The following PDE8B variants were observed in gnomAD, a reference collection of about 807,000 sequenced individuals.
PDE8B encodes high affinity cAMP-specific and IBMX-insensitive 3',5'-cyclic phosphodiesterase 8B.
Under a neutral mutation model 101.3 loss-of-function variants are expected in PDE8B, and 26 were observed. That is an observed-to-expected ratio of 0.26 (90% CI 0.19 to 0.36). PDE8B has a LOEUF of 0.36. Ranked by LOEUF, PDE8B falls within the 10% of genes least tolerant of loss-of-function variation. PDE8B has a pLI of 1.00. For synonymous variants in PDE8B, 424 were observed against 429.3 expected (o/e 0.99, Z 0.15); for missense variants, 810 against 1,163.1 (o/e 0.70, Z 4.42).
At chr5:77,322,938 A>G (rs1775363483) in intron 2 of PDE8B, among the ~76,000 whole-genome samples, 1 of 152,260 alleles carries the variant, frequency 6.6e-6, no homozygotes, top group African/African-American at 2.4e-5. Context: ...GAGAATTGTT[A>G]TATTCTTACT....
chr5:77,407,069 G>A (rs549363659), intron 12 of PDE8B, among the ~76,000 whole-genome samples: 40 of 152,272 alleles, frequency 2.6e-4, no homozygotes, highest in South Asian at 8.3e-4. Context: ...AAAGTGAGCC[G>A]TGTGGGGGTC....
chr5:77,273,762 A>G (rs2084798861), intron 1 of PDE8B, among the ~76,000 whole-genome samples: 3 of 152,194 alleles, frequency 2.0e-5, no homozygotes. Context: ...TTTTATTAAC[A>G]CAATGGTGAA....
the PDE8B span, among the ~76,000 whole-genome samples, chr5:77,175,301 TA>T: frequency 1.4e-5 from 2 of 143,972 alleles, no homozygotes; most frequent in African/African-American, 5.6e-5. Flanking sequence ...AAGCAAATTA[TA>T]TTGTGTTTCT....
intron 10 of PDE8B, among the ~76,000 whole-genome samples, chr5:77,366,895 C>T (rs1002130965): frequency 1.3e-5 from 2 of 152,164 alleles, no homozygotes; most frequent in East Asian, 1.9e-4. Context: ...CCATCAAGGG[C>T]GCTTTGGTCC....
intron 1 of PDE8B, among the ~76,000 whole-genome samples, chr5:77,302,724 C>T (rs1770253367): frequency 6.6e-6 from 1 of 152,166 alleles, no homozygotes; most frequent in Non-Finnish European, 1.5e-5. Flanking sequence ...CATGGCCTTC[C>T]CAGTGAGGCA....
chr5:77,211,338 C>T lies in PDE8B; in HGVS notation c.339+74C>T. 7.1e-7 allele frequency: 1 copy of T among 1,408,224 alleles called. No individual in the cohort carries two copies. Among genetic ancestry groups the T allele is most frequent in the Non-Finnish European group, 9.5e-7 (1 of 1,052,126 alleles). The allele number at this position is 1,408,224 out of a possible 1,614,324, so 87.2% of individuals were successfully genotyped here. A position where few individuals can be genotyped will look rare whatever the true frequency, so the allele number is the denominator to read the frequency against. ...GCGGGGCTCGCACGGGTAGGGGGCT[C>T]CGGCGGAGTTGGGTGACCGTGAGGC... is the stretch of plus-strand genomic sequence containing the variant. On this transcript the variant is annotated intron_variant, in intron 1 of 21. Transcript: ENST00000264917. The surrounding 1 kb of genome is among the most constrained non-coding windows in gnomAD (Gnocchi z 4.1).
chr5:77,225,848 G>GCA (rs3087185), intron 1 of PDE8B, among the ~76,000 whole-genome samples: 27,080 of 144,148 alleles, frequency 0.19, 2,712 homozygotes, highest in Non-Finnish European at 0.24. Flanking sequence ...ACATGCGCGT[G>GCA]CACACACACA....
rs1422422117 is a variant in PDE8B, at chr5:77,369,930, C to G, written c.1167+16524C>G. 2.0e-5 allele frequency among the ~76,000 whole-genome samples: 3 copies of G among 152,182 alleles called. No homozygotes were observed. In the East Asian group the frequency reaches 5.8e-4, roughly 29 times the overall value. ...GCATTTTATTGTGAAAATTGTCAGGCATACAGCAAAGTTGAAAGAATTTTA... is the reference window on the plus strand; with the variant it reads ...GCATTTTATTGTGAAAATTGTCAGGGATACAGCAAAGTTGAAAGAATTTTA... On this transcript the variant is annotated intron_variant, in intron 10 of 21. Coordinates refer to ENST00000264917, the MANE Select transcript of PDE8B (RefSeq NM_003719.5).
chr5:77,356,045 C>G (rs963608228), intron 10 of PDE8B, among the ~76,000 whole-genome samples: 3 of 152,224 alleles, frequency 2.0e-5, no homozygotes, highest in Admixed American at 6.5e-5. Flanking sequence ...ACCCTCTGGT[C>G]CTGCACAGAA....
At position 77,304,484 on chromosome 5, in the gene PDE8B, T is replaced by G. The variant is rs533820663; in HGVS notation, c.340-7510T>G. Among the ~76,000 whole-genome samples the G allele has an allele frequency of 4.0e-4, 61 of 151,802 alleles. No homozygotes were observed. In the East Asian group the frequency reaches 4.2e-3, roughly 11 times the overall value. On this transcript the variant is annotated intron_variant, in intron 1 of 21. Coordinates refer to ENST00000264917, the MANE Select transcript of PDE8B (RefSeq NM_003719.5). The stretch of plus-strand genomic sequence containing the variant: ...CTCTCCAGCTCTGGGCCTTTTTCTC[T>G]TTTATTACAGTGCTCTTTGCTTTTT...
chr5:77,225,880 A>ACACACACACACC (rs1554059621), intron 1 of PDE8B, among the ~76,000 whole-genome samples: 1 of 100,718 alleles, frequency 9.9e-6, no homozygotes, highest in African/African-American at 4.5e-5. Context: ...ACACACACAC[A>ACACACACACACC]CCCCACGCAC....
the PDE8B span, among the ~76,000 whole-genome samples, chr5:77,181,327 A>G: frequency 6.6e-6 from 1 of 152,092 alleles, no homozygotes. Flanking sequence ...GCTTAGTGCA[A>G]GGGGGAAGCT....
At chr5:77,324,718 C>G (rs1775736443) in intron 2 of PDE8B, among the ~76,000 whole-genome samples, 1 of 152,136 alleles carries the variant, frequency 6.6e-6, no homozygotes, top group Admixed American at 6.5e-5. Flanking sequence ...TCCCTTACTT[C>G]CTTATGTCTA....
chr5:77,403,946 G>A (rs757051570), intron 11 of PDE8B, among the ~76,000 whole-genome samples: 69 of 151,984 alleles, frequency 4.5e-4, no homozygotes, highest in Middle Eastern at 3.4e-3. Flanking sequence ...AGCCTCCCAA[G>A]TAGCTGGAAT....
chr5:77,152,838 T>A, the PDE8B span, among the ~76,000 whole-genome samples: 1 of 152,042 alleles, frequency 6.6e-6, no homozygotes, highest in Non-Finnish European at 1.5e-5. Flanking sequence ...GTCTTAGCAT[T>A]GAGGATGGGA....
At chr5:77,089,165 T>C in the PDE8B span, among the ~76,000 whole-genome samples, 130 of 152,226 alleles carry the variant, frequency 8.5e-4, no homozygotes, top group Admixed American at 2.4e-3. Flanking sequence ...TCATCTGTAT[T>C]TACATCCGCT....
At chr5:77,111,685 T>A in the PDE8B span, among the ~76,000 whole-genome samples, 5 of 152,198 alleles carry the variant, frequency 3.3e-5, no homozygotes, top group African/African-American at 1.2e-4. Flanking sequence ...CTGATACCTG[T>A]TTTTAGATGA....
rs149407385 is a variant in PDE8B, at chr5:77,307,446, A to G, written c.340-4548A>G. 1.2e-3 allele frequency among the ~76,000 whole-genome samples: 190 copies of G among 152,336 alleles called. 1 individual carries two copies. The highest frequency in any genetic ancestry group is 4.3e-3 in the African/African-American group (177 of 41,562). ...AAGCAAAAGTGAGTGATAGACGTTTACAGATCAACAAAGACTGAGTGACTT... is the reference window on the plus strand; with the variant it reads ...AAGCAAAAGTGAGTGATAGACGTTTGCAGATCAACAAAGACTGAGTGACTT... On this transcript the variant is annotated intron_variant, in intron 1 of 21. Coordinates refer to ENST00000264917, the MANE Select transcript of PDE8B (RefSeq NM_003719.5).
At chr5:77,216,502 G>A (rs1015301024) in intron 1 of PDE8B, among the ~76,000 whole-genome samples, 2 of 152,250 alleles carry the variant, frequency 1.3e-5, no homozygotes, top group Admixed American at 6.5e-5. Context: ...CAGTAAGGGG[G>A]GAACTGCCCC....
Sources: allele counts gnomAD v4.1 joint callset (sites outside exome capture counted in the v4.1 genomes callset), GRCh38; gene constraint gnomAD v4.1.1; non-coding constraint Gnocchi (gnomAD v3.1); transcripts MANE v1.5; gene names NCBI Gene and HGNC (gene_info 2026-07-23, HGNC 2026-07-21).